Variants in USP40 observed in about 807,000 individuals in gnomAD.
USP40 encodes the protein ubiquitin specific peptidase 40, also known as ubiquitin carboxyl-terminal hydrolase 40.
USP40 carries 143 observed loss-of-function variants against 166.2 expected under a neutral mutation model. The observed-to-expected ratio is 0.86, with a 90% CI of 0.75 to 0.99. USP40 has a LOEUF of 0.99. Ranked by LOEUF, USP40 falls within the 50% of genes least tolerant of loss-of-function variation. The probability of loss-of-function intolerance (pLI) is 0.00; values close to 1 mark genes in which losing one functional copy is unlikely to be tolerated. For missense variants in USP40, 1,444 were observed against 1,479.7 expected (o/e 0.98, Z 0.40); for synonymous variants, 498 against 524.0 (o/e 0.95, Z 0.68).
chr2:233,558,190 A>G (rs2071270945), intron 4 of USP40, among the ~76,000 whole-genome samples: 1 of 151,944 alleles, frequency 6.6e-6, no homozygotes, highest in African/African-American at 2.4e-5. Flanking sequence ...ACAATCCTAC[A>G]CTTCGCAAAG....
chr2:233,523,236 G>A lies in USP40; in HGVS notation c.2135C>T (p.Thr712Met), dbSNP rs751269806. The stretch of plus-strand genomic sequence containing the variant: ...ATTTCTGAGCCCTTGCTCCCTGAAC[G>A]TCTTCCTCATGTCTTCCTTGGGGAT... ...TAIPKEDMRK[T>M]FREQGLRNGS... Residue 712 changes from threonine to methionine, a missense_variant, in exon 16 of 32, where the codon ACG becomes ATG. Thr to Met is a moderately conservative substitution (Grantham distance 81). Coordinates refer to ENST00000678225, the MANE Select transcript of USP40 (RefSeq NM_001365479.2). The A allele has an allele frequency of 1.4e-5, 23 of 1,613,758 alleles. No individual in the cohort carries two copies. Among genetic ancestry groups the A allele is most frequent in the Admixed American group, 5.0e-5 (3 of 59,996 alleles).
chr2:233,526,061 G>A (rs937725049), intron 13 of USP40, among the ~76,000 whole-genome samples: 1 of 152,076 alleles, frequency 6.6e-6, no homozygotes, highest in African/African-American at 2.4e-5. Context: ...TGCTCTTTAA[G>A]TTTCTAGATC....
intron 16 of USP40, 31 bp downstream of exon 16, chr2:233,523,139 A>G: frequency 6.4e-7 from 1 of 1,571,804 alleles, no homozygotes; most frequent in Non-Finnish European, 8.6e-7. Flanking sequence ...AATGACTTTT[A>G]GAAATCCTTT....
chr2:233,555,723 C>T (rs955600465), intron 5 of USP40, among the ~76,000 whole-genome samples: 1 of 150,932 alleles, frequency 6.6e-6, no homozygotes, highest in Admixed American at 6.6e-5. Context: ...GCAACCTCCA[C>T]CTCCCGGGTT....
chr2:233,486,499 T>C lies in USP40; in HGVS notation c.3198-522A>G, dbSNP rs1357626876. 6.6e-6 allele frequency among the ~76,000 whole-genome samples: 1 copy of C among 151,890 alleles called. No homozygotes were observed. The highest frequency in any genetic ancestry group is 2.4e-5 in the African/African-American group (1 of 41,302). Reference sequence around the variant, plus strand: ...TGCAGCTGTGGGAGATGGGAAACCTTAGCAGGAGGAGCAGAAAGAACAACA... The same window carrying C: ...TGCAGCTGTGGGAGATGGGAAACCTCAGCAGGAGGAGCAGAAAGAACAACA... On this transcript the variant is annotated intron_variant, in intron 28 of 31. Transcript: ENST00000678225. The surrounding 1 kb of genome is among the most constrained non-coding windows in gnomAD (Gnocchi z 4.0).
rs150830142 is a variant in USP40, at chr2:233,548,654, A to G, written c.966+447T>C. ...AATCTGAACATAACTATTAGACAAC[A>G]GTATTATATCAATGTTAGAAGTTCC... is the stretch of plus-strand genomic sequence containing the variant. On this transcript the variant is annotated intron_variant, in intron 8 of 31. Transcript: ENST00000678225. 4.1e-3 allele frequency among the ~76,000 whole-genome samples: 630 copies of G among 152,316 alleles called. 4 individuals are homozygous for G. Among genetic ancestry groups the G allele is most frequent in the African/African-American group, 0.014 (594 of 41,592 alleles).
Position 233,533,521 on chromosome 2 carries a change from T to C in USP40, c.1429A>G (p.Met477Val). ...AACTGGGATTTCCGATAAAACAACA[T>C]GTAGGCACTTTCTTTACCCTGAAAT... ...QQFQGKESAY[M>V]LFYRKSQLQR... is the part of the protein sequence containing the mutation. Residue 477 changes from methionine (M) to valine (V), a missense_variant, in exon 11 of 32, where the codon ATG becomes GTG. Coordinates refer to ENST00000678225, the MANE Select transcript of USP40 (RefSeq NM_001365479.2). 1 of 1,613,818 alleles carries C rather than the reference T, an allele frequency of 6.2e-7. No homozygotes were observed. The highest frequency in any genetic ancestry group is 1.1e-5 in the South Asian group (1 of 91,058).
At chr2:233,501,449 T>C (rs946448941) in intron 21 of USP40, among the ~76,000 whole-genome samples, 1 of 152,180 alleles carries the variant, frequency 6.6e-6, no homozygotes, top group African/African-American at 2.4e-5. Context: ...CTCTCTTACA[T>C]TTTAAAGGAT....
chr2:233,528,439 G>A (rs1300814888), intron 12 of USP40, among the ~76,000 whole-genome samples: 1 of 152,170 alleles, frequency 6.6e-6, no homozygotes, highest in Non-Finnish European at 1.5e-5. Context: ...ATGTGGAGCT[G>A]GAATGAGGCT....
At chr2:233,523,634 G>T in intron 15 of USP40, 145 bp from the exon 16 acceptor site, 1 of 766,442 alleles carries the variant, frequency 1.3e-6, no homozygotes, top group Non-Finnish European at 2.0e-6. Context: ...AAGCATCAGA[G>T]GAACAACTTC....
rs369747973 is a variant in USP40 at position 233,511,731 on chromosome 2, C to G, written c.2504G>C (p.Gly835Ala). ...TACCTGAGACGAACTTGGTGCTTTT[C>G]CAAGACACAGTCCCAATGAACTTCC... Reference protein sequence around the residue: ...KMGSSLGLCLGKAPSSSQLFL... With the variant: ...KMGSSLGLCLAKAPSSSQLFL... Residue 835 changes from glycine to alanine, a missense_variant, in exon 20 of 32, where the codon GGA (glycine) becomes GCA (alanine). By Grantham distance (60) the Gly-to-Ala change is moderately conservative (BLOSUM62 0). Transcript: ENST00000678225. The G allele has an allele frequency of 6.2e-7, 1 of 1,611,802 alleles. No homozygotes were observed. Among genetic ancestry groups the G allele is most frequent in the Non-Finnish European group, 8.5e-7 (1 of 1,179,078 alleles).
In USP40 at chr2:233,558,967, A is replaced by AGT. The variant is rs1290339857; in HGVS notation, c.381+843_381+844insAC. On this transcript the variant is annotated intron_variant, in intron 4 of 31. Transcript: ENST00000678225. ...GTTAAGAAGTGTTCCTGGTTAGAAG[A>AGT]CTACCCTTCAGAGTTTACCATTAAA... Among the ~76,000 whole-genome samples, 33 of 152,320 alleles carry AGT rather than the reference A, an allele frequency of 2.2e-4. No individual in the cohort carries two copies. In the East Asian group the frequency reaches 3.3e-3, roughly 15 times the overall value.
intron 5 of USP40, among the ~76,000 whole-genome samples, chr2:233,555,081 T>C (rs1316357514): frequency 1.3e-5 from 2 of 152,126 alleles, no homozygotes; most frequent in Admixed American, 1.3e-4. Context: ...TAGTCCCAGC[T>C]ACTGGGGAGG....
At chr2:233,560,038 T>C in intron 3 of USP40, 114 bp from the exon 4 acceptor site, 1 of 610,222 alleles carries the variant, frequency 1.6e-6, no homozygotes, top group East Asian at 3.0e-5. Flanking sequence ...GGAGAAAGTT[T>C]ATAAATATCC....
At position 233,485,523 on chromosome 2, in the gene USP40, C is replaced by T. The variant is rs951835608; in HGVS notation, c.3504+8G>A. ...TCAAAGTGGTAAATTTGCTGTTAAA[C>T]AACTTACCTTAACACCAATAGTATC... is the stretch of plus-strand genomic sequence containing the variant. On this transcript the variant is annotated splice_region_variant and intron_variant, in intron 30 of 31. Coordinates refer to ENST00000678225, the MANE Select transcript of USP40 (RefSeq NM_001365479.2). 1.9e-6 allele frequency: 3 copies of T among 1,608,822 alleles called. No individual in the cohort carries two copies. Among genetic ancestry groups the T allele is most frequent in the Non-Finnish European group, 1.7e-6 (2 of 1,176,376 alleles).
Position 233,477,237 on chromosome 2 carries a change from C to T in USP40, c.*155G>A. 1.4e-6 allele frequency: 1 copy of T among 717,358 alleles called. No individual in the cohort carries two copies. The allele number at this position is 717,358 out of a possible 1,614,324, so 44.4% of individuals were successfully genotyped here. On this transcript the variant is annotated 3_prime_UTR_variant, in exon 32 of 32. Coordinates refer to ENST00000678225, the MANE Select transcript of USP40 (RefSeq NM_001365479.2). Reference sequence around the variant, plus strand: ...TGTTGCAGAGCTAAGTGACTACATGCACTGGCCAGGCCTCAGAGGAGCCGT... The same window carrying T: ...TGTTGCAGAGCTAAGTGACTACATGTACTGGCCAGGCCTCAGAGGAGCCGT...
rs2065455774 is a variant in USP40 at position 233,493,153 on chromosome 2, G to C, written c.2917+272C>G. On this transcript the variant is annotated intron_variant, in intron 25 of 31. Coordinates refer to ENST00000678225, the MANE Select transcript of USP40 (RefSeq NM_001365479.2). The surrounding 1 kb of genome is among the most constrained non-coding windows in gnomAD (Gnocchi z 4.7). ...CCCTGTTGCCCTGAGGATCTTGAGA[G>C]ATGATACATAAAAGTCTTTGGAAAG... 2.0e-6 allele frequency: 1 copy of C among 497,590 alleles called. No homozygotes were observed. 30.8% of individuals were successfully genotyped at this position (497,590 alleles called of 1,614,324 possible).
intron 8 of USP40, among the ~76,000 whole-genome samples, chr2:233,548,786 G>A (rs1374949621): frequency 2.6e-5 from 4 of 152,038 alleles, no homozygotes; most frequent in African/African-American, 9.7e-5. Context: ...ATTTCAAACG[G>A]TTCGCACTAA....
In USP40 at chr2:233,491,213, T is replaced by A. The variant is rs775166319; in HGVS notation, c.2966A>T (p.Asp989Val). The A allele has an allele frequency of 1.9e-6, 3 of 1,612,032 alleles. No individual in the cohort carries two copies. Among genetic ancestry groups the A allele is most frequent in the Non-Finnish European group, 2.5e-6 (3 of 1,179,160 alleles). ...PAQVSLLYLGDIEISEDATLA... is the reference protein window; with the variant it reads ...PAQVSLLYLGVIEISEDATLA... ...CGTGGCATCTTCTGAGATCTCTATG[T>A]CTCCCAAGTAGAGGAGAGAAACTTG... Residue 989 changes from aspartate (D) to valine (V), a missense_variant, in exon 26 of 32, where the codon GAC (aspartate) becomes GTC (valine). Physicochemically the swap from Asp to Val is radical, Grantham distance 152. Coordinates refer to ENST00000678225, the MANE Select transcript of USP40 (RefSeq NM_001365479.2).
Sources: allele counts gnomAD v4.1 joint callset (sites outside exome capture counted in the v4.1 genomes callset), GRCh38; gene constraint gnomAD v4.1.1; non-coding constraint Gnocchi (gnomAD v3.1); transcripts MANE v1.5; gene names NCBI Gene and HGNC (gene_info 2026-07-23, HGNC 2026-07-21).